The following LNP1 variants were observed in gnomAD, a reference collection of about 807,000 sequenced individuals.
LNP1 encodes the protein leukemia NUP98 fusion partner 1.
Under a neutral mutation model 14.5 loss-of-function variants are expected in LNP1, and 12 were observed. The observed-to-expected ratio is 0.83, with a 90% confidence interval of 0.53 to 1.34. The LOEUF (loss-of-function observed/expected upper bound fraction) is 1.34. Ranked by LOEUF, LNP1 falls within the 40% of genes most tolerant of loss-of-function variation. LNP1 has a pLI of 0.00. For synonymous variants in LNP1, 75 were observed against 71.4 expected, an observed-to-expected ratio of 1.05 and a Z score of -0.26; for missense variants, 198 against 210.9, an observed-to-expected ratio of 0.94 and a Z score of 0.38.
At chr3:100,415,990 A>C (rs1707079767) in intron 1 of LNP1, among the ~76,000 whole-genome samples, 1 of 152,230 alleles carries the variant, frequency 6.6e-6, no homozygotes, top group South Asian at 2.1e-4. Context: ...CCCATTAGCA[A>C]AAATTGATAT....
At chr3:100,444,807 C>T (rs1030520754) in intron 2 of LNP1, among the ~76,000 whole-genome samples, 2 of 152,152 alleles carry the variant, frequency 1.3e-5, no homozygotes, top group Non-Finnish European at 2.9e-5. Context: ...ATTTTATAAA[C>T]AATCTATAAA....
intron 1 of LNP1, among the ~76,000 whole-genome samples, chr3:100,427,623 C>T (rs1707206316): frequency 6.6e-6 from 1 of 152,196 alleles, no homozygotes; most frequent in South Asian, 2.1e-4. Context: ...CTGATAGTAG[C>T]TGTCATCCCC....
intron 2 of LNP1, among the ~76,000 whole-genome samples, chr3:100,433,446 A>G (rs908262584): frequency 2.0e-5 from 3 of 151,924 alleles, no homozygotes; most frequent in Admixed American, 6.5e-5. Flanking sequence ...TATGCACCAC[A>G]TTTTCTTTAT....
chr3:100,432,223 A>C (rs1174013943), intron 2 of LNP1, among the ~76,000 whole-genome samples: 1 of 151,522 alleles, frequency 6.6e-6, no homozygotes, highest in African/African-American at 2.4e-5. Context: ...TCAATATTAC[A>C]TTAAGTATTA....
At chr3:100,453,001 A>T (rs1039405782) in intron 3 of LNP1, among the ~76,000 whole-genome samples, 3 of 152,206 alleles carry the variant, frequency 2.0e-5, no homozygotes, top group African/African-American at 7.2e-5. Context: ...TAGTAGACAA[A>T]ACAAATAATT....
At chr3:100,444,251 C>CA (rs1459510149) in intron 2 of LNP1, among the ~76,000 whole-genome samples, 2 of 152,026 alleles carry the variant, frequency 1.3e-5, no homozygotes, top group African/African-American at 2.4e-5. Context: ...CCATGGATGA[C>CA]AAAAAAGTTG....
At chr3:100,409,415 C>T (rs766132800) in intron 1 of LNP1, among the ~76,000 whole-genome samples, 7 of 151,356 alleles carry the variant, frequency 4.6e-5, no homozygotes, top group Admixed American at 2.0e-4. Context: ...GAGGCTGAGG[C>T]GGGTTGATCA....
intron 1 of LNP1, among the ~76,000 whole-genome samples, chr3:100,418,761 TCTC>T (rs144746836): frequency 0.011 from 1,723 of 152,300 alleles, 28 homozygotes; most frequent in African/African-American, 0.04. Context: ...CTTCACAGTT[TCTC>T]CTCAGTGTGA....
intron 1 of LNP1, among the ~76,000 whole-genome samples, chr3:100,407,111 C>T (rs777079235): frequency 2.0e-5 from 3 of 152,184 alleles, no homozygotes; most frequent in Non-Finnish European, 4.4e-5. Flanking sequence ...ACCCTCATTA[C>T]AGTATTTAAA....
At chr3:100,449,122 T>C (rs1427327861) in intron 2 of LNP1, among the ~76,000 whole-genome samples, 2 of 152,214 alleles carry the variant, frequency 1.3e-5, no homozygotes, top group African/African-American at 2.4e-5. Context: ...TTTATTTACA[T>C]AGGGACTACC....
chr3:100,435,639 G>A (rs1415982814), intron 2 of LNP1, among the ~76,000 whole-genome samples: 1 of 152,146 alleles, frequency 6.6e-6, no homozygotes, highest in East Asian at 1.9e-4. Context: ...CAGAAAGACT[G>A]GAGACAGGCA....
At chr3:100,453,315 G>T (rs1434337399) in intron 3 of LNP1, among the ~76,000 whole-genome samples, 1 of 151,732 alleles carries the variant, frequency 6.6e-6, no homozygotes, top group African/African-American at 2.4e-5. Flanking sequence ...TTATTATCAA[G>T]AATTCCTGTA....
At chr3:100,424,682 A>G (rs988966587) in intron 1 of LNP1, among the ~76,000 whole-genome samples, 1 of 152,220 alleles carries the variant, frequency 6.6e-6, no homozygotes, top group Non-Finnish European at 1.5e-5. Context: ...GGAAAATGTT[A>G]TGTCACTGCA....
chr3:100,450,332 ATTTTTTT>A (rs1346496509), intron 2 of LNP1, among the ~76,000 whole-genome samples: 1 of 138,968 alleles, frequency 7.2e-6, no homozygotes, highest in African/African-American at 2.6e-5. Context: ...CTGGATGTTA[ATTTTTTT>A]TTTTTTTTTT....
intron 2 of LNP1, among the ~76,000 whole-genome samples, chr3:100,436,569 T>A (rs116566806): frequency 0.012 from 1,884 of 152,288 alleles, 37 homozygotes; most frequent in African/African-American, 0.044. Context: ...TTTTTCCAGA[T>A]GCCTTCAGCT....
intron 2 of LNP1, among the ~76,000 whole-genome samples, chr3:100,450,409 C>T (rs1707427044): frequency 6.6e-6 from 1 of 151,456 alleles, no homozygotes; most frequent in Non-Finnish European, 1.5e-5. Flanking sequence ...TCTCGGCTCA[C>T]CGCAACCTCC....
At chr3:100,441,972 T>C (rs532530014) in intron 2 of LNP1, among the ~76,000 whole-genome samples, 1 of 152,300 alleles carries the variant, frequency 6.6e-6, no homozygotes, top group East Asian at 1.9e-4. Flanking sequence ...GCCCTAGCTT[T>C]ATATTTTTAT....
intron 1 of LNP1, among the ~76,000 whole-genome samples, chr3:100,415,258 T>C (rs1165798435): frequency 1.3e-5 from 2 of 152,136 alleles, no homozygotes; most frequent in Non-Finnish European, 2.9e-5. Context: ...AGAAGGTTAA[T>C]ATACAGAATA....
chr3:100,435,273 T>C (rs9290057), intron 2 of LNP1, among the ~76,000 whole-genome samples: 140,128 of 152,218 alleles, frequency 0.92, 65,174 homozygotes, highest in Non-Finnish European at 0.99. Flanking sequence ...AGAAAGGCAG[T>C]GGAGAGGAGT....
Sources: gnomAD v4.1 joint callset for allele counts (sites outside exome capture counted in the v4.1 genomes callset) on GRCh38, gnomAD v4.1.1 for gene constraint, MANE v1.5 for transcripts, NCBI Gene and HGNC (gene_info 2026-07-23, HGNC 2026-07-21) for gene names.